TMTC2: variants seen among roughly 807,000 people sequenced by gnomAD.
The protein encoded by TMTC2 is protein O-mannosyl-transferase TMTC2.
A neutral mutation model predicts 82.4 loss-of-function variants in TMTC2; 43 were observed. The ratio of observed to expected loss-of-function variants is 0.52; its 90% CI spans 0.41 to 0.67. The LOEUF is 0.67. Ranked by LOEUF, TMTC2 falls within the 30% of genes least tolerant of loss-of-function variation. The pLI, the probability that TMTC2 is intolerant of heterozygous loss-of-function variation, is 0.00. For synonymous variants in TMTC2, 408 were observed against 381.9 expected (o/e 1.07, Z -0.80); for missense variants, 919 against 1,012.4 (o/e 0.91, Z 1.25).
intron 1 of TMTC2, among the ~76,000 whole-genome samples, chr12:82,800,260 A>G (rs902621944): frequency 2.6e-5 from 4 of 152,128 alleles, no homozygotes; most frequent in African/African-American, 9.7e-5. Context: ...GACAGCCAAC[A>G]AGAAGGCAAA....
intron 9 of TMTC2, among the ~76,000 whole-genome samples, chr12:83,033,866 G>A (rs1405156274): frequency 6.9e-6 from 1 of 144,238 alleles, no homozygotes; most frequent in Non-Finnish European, 1.5e-5. Context: ...ATATGTGTAT[G>A]TGTATATATA....
intron 1 of TMTC2, among the ~76,000 whole-genome samples, chr12:82,834,347 A>G (rs1367470435): frequency 2.6e-5 from 4 of 152,214 alleles, no homozygotes; most frequent in Non-Finnish European, 4.4e-5. Flanking sequence ...AGTGCCCTTG[A>G]AATTTGTCTA....
chr12:82,951,672 A>G (rs1242852640), intron 4 of TMTC2, among the ~76,000 whole-genome samples: 1 of 152,160 alleles, frequency 6.6e-6, no homozygotes, highest in Non-Finnish European at 1.5e-5. Flanking sequence ...CTCACAGTAC[A>G]TATGATATGC....
chr12:83,005,208 A>G (rs1388071219), intron 8 of TMTC2, among the ~76,000 whole-genome samples: 7 of 44,172 alleles, frequency 1.6e-4, no homozygotes, highest in Non-Finnish European at 4.5e-4. Flanking sequence ...TGTCTTATTA[A>G]AAAAAAAAAA....
chr12:82,783,590 A>G (rs1390984263), intron 1 of TMTC2, among the ~76,000 whole-genome samples: 2 of 152,040 alleles, frequency 1.3e-5, no homozygotes, highest in African/African-American at 4.8e-5. Context: ...GAGGATTTAC[A>G]TTTATGATTT....
At chr12:82,745,121 G>C (rs1468619677) in intron 1 of TMTC2, among the ~76,000 whole-genome samples, 1 of 152,020 alleles carries the variant, frequency 6.6e-6, no homozygotes, top group African/African-American at 2.4e-5. Context: ...TTAGCATCTT[G>C]AAAGACACAA....
At chr12:82,782,427 A>G (rs1877954117) in intron 1 of TMTC2, among the ~76,000 whole-genome samples, 2 of 152,156 alleles carry the variant, frequency 1.3e-5, no homozygotes, top group South Asian at 4.1e-4. Flanking sequence ...TAGACATTTT[A>G]TCTTCATTTC....
At chr12:83,132,154 A>T in intron 11 of TMTC2, 56 bp from the exon 12 acceptor site, 1 of 1,537,962 alleles carries the variant, frequency 6.5e-7, no homozygotes, top group Non-Finnish European at 8.7e-7. Context: ...TTTGTTTTCC[A>T]TGAAGGAAAG....
intron 8 of TMTC2, among the ~76,000 whole-genome samples, chr12:82,992,871 G>T (rs1485618164): frequency 2.6e-5 from 4 of 152,142 alleles, no homozygotes; most frequent in Non-Finnish European, 5.9e-5. Context: ...AGTCTCAGGA[G>T]CAATAAAAAT....
intron 11 of TMTC2, among the ~76,000 whole-genome samples, chr12:83,098,511 G>A (rs889716528): frequency 3.9e-5 from 6 of 152,148 alleles, no homozygotes; most frequent in Admixed American, 1.3e-4. Flanking sequence ...CTATTCTTCA[G>A]TCCTGTCACA....
chr12:82,923,087 ATGTC>A (rs1875487898), intron 3 of TMTC2, among the ~76,000 whole-genome samples: 2 of 152,136 alleles, frequency 1.3e-5, no homozygotes, highest in Admixed American at 6.6e-5. Context: ...GCATAACAGA[ATGTC>A]TGCCCCGGGC....
intron 1 of TMTC2, among the ~76,000 whole-genome samples, chr12:82,697,698 A>G (rs930476177): frequency 1.3e-5 from 2 of 152,240 alleles, no homozygotes; most frequent in Non-Finnish European, 2.9e-5. Context: ...ATCATATAAA[A>G]CAATGTCATC....
intron 1 of TMTC2, among the ~76,000 whole-genome samples, chr12:82,701,965 T>C (rs1384200063): frequency 1.3e-5 from 2 of 152,128 alleles, no homozygotes; most frequent in African/African-American, 4.8e-5. Context: ...ATGCTGAAGG[T>C]GATCTACTAC....
intron 1 of TMTC2, among the ~76,000 whole-genome samples, chr12:82,695,762 C>T (rs1872758713): frequency 6.6e-6 from 1 of 152,144 alleles, no homozygotes; most frequent in Admixed American, 6.5e-5. Flanking sequence ...ATAGAGATTA[C>T]ATTCATAGGC....
chr12:83,065,194 C>G (rs1346221828), intron 11 of TMTC2, among the ~76,000 whole-genome samples: 1 of 151,878 alleles, frequency 6.6e-6, no homozygotes, highest in Non-Finnish European at 1.5e-5. Context: ...GTAGGATATT[C>G]TTTCTTAATA....
chr12:82,694,743 A>C (rs574660169), intron 1 of TMTC2, among the ~76,000 whole-genome samples: 1 of 152,106 alleles, frequency 6.6e-6, no homozygotes, highest in African/African-American at 2.4e-5. Context: ...ATTTTTGTGA[A>C]ATTTATTATA....
chr12:82,834,634 C>T (rs1051093883), intron 1 of TMTC2, among the ~76,000 whole-genome samples: 6 of 152,176 alleles, frequency 3.9e-5, no homozygotes, highest in African/African-American at 1.4e-4. Context: ...ATGAGCCTCT[C>T]TCCTTCAGTA....
chr12:82,901,881 A>G (rs1395147959), intron 3 of TMTC2, among the ~76,000 whole-genome samples: 2 of 150,018 alleles, frequency 1.3e-5, no homozygotes, highest in Non-Finnish European at 3.0e-5. Flanking sequence ...TTCAGCTGTA[A>G]TCAACTATTA....
At chr12:82,770,054 G>A (rs1877202532) in intron 1 of TMTC2, among the ~76,000 whole-genome samples, 1 of 152,112 alleles carries the variant, frequency 6.6e-6, no homozygotes, top group African/African-American at 2.4e-5. Flanking sequence ...TCTACTACGA[G>A]AGTTTAATTT....
Sources: allele counts gnomAD v4.1 joint callset (sites outside exome capture counted in the v4.1 genomes callset), GRCh38; gene constraint gnomAD v4.1.1; transcripts MANE v1.5; gene names NCBI Gene and HGNC (gene_info 2026-07-23, HGNC 2026-07-21).